Variants in TG observed in about 807,000 individuals in gnomAD.
The protein encoded by TG is thyroid hormones.
A neutral mutation model predicts 324.7 loss-of-function variants in TG; 270 were observed. The observed-to-expected ratio is 0.83, with a 90% CI of 0.75 to 0.92. The LOEUF is 0.92. TG is among the 40% of genes least tolerant of loss of function. The probability of loss-of-function intolerance (pLI) is 0.00; values close to 1 mark genes in which losing one functional copy is unlikely to be tolerated. For missense variants in TG, 3,591 were observed against 3,456.4 expected, an observed-to-expected ratio of 1.04 and a Z score of -0.98; for synonymous variants, 1,401 against 1,327.0, an observed-to-expected ratio of 1.06 and a Z score of -1.21.
chr8:132,869,989 A>G (rs1020049375), intron 3 of TG, among the ~76,000 whole-genome samples, 163 bp downstream of exon 3: 8 of 152,230 alleles, frequency 5.3e-5, no homozygotes, highest in Middle Eastern at 6.8e-3. Flanking sequence ...GGAAGGCCCT[A>G]TTTCCTGCAG....
chr8:133,024,326 CT>C (rs1835835517), intron 40 of TG, among the ~76,000 whole-genome samples: 3 of 84,102 alleles, frequency 3.6e-5, no homozygotes, highest in African/African-American at 1.5e-4. Context: ...TTCTTTCTTT[CT>C]TTCTTTCTTT....
chr8:133,112,192 T>TCATTGATGGAATTCTAATCA (rs966295643), intron 43 of TG, among the ~76,000 whole-genome samples: 1 of 152,260 alleles, frequency 6.6e-6, no homozygotes, highest in Non-Finnish European at 1.5e-5. Flanking sequence ...GAGGGATTGC[T>TCATTGATGGAATTCTAATCA]CATTGATGGA....
intron 23 of TG, among the ~76,000 whole-genome samples, chr8:132,933,274 T>G: frequency 5.5e-4 from 2 of 3,638 alleles, no homozygotes; most frequent in South Asian, 0.01. Flanking sequence ...GTTTGGGTGT[T>G]TATTTGGAGG....
At chr8:133,058,333 G>A (rs762790358) in intron 41 of TG, among the ~76,000 whole-genome samples, 1 of 152,210 alleles carries the variant, frequency 6.6e-6, no homozygotes, top group Admixed American at 6.5e-5. Context: ...TCTTCACCAG[G>A]GGGTGGAGGG....
rs749756738 is a variant in TG at position 132,966,690 on chromosome 8, C to T, written c.5679C>T (p.Cys1893=). The T allele has an allele frequency of 2.0e-5, 32 of 1,613,920 alleles. No individual in the cohort carries two copies. The highest frequency in any genetic ancestry group is 2.7e-5 in the Non-Finnish European group (32 of 1,179,974). The change falls in exon 30 of 48, where the codon TGC becomes TGT. Residue 1893 remains cysteine, a synonymous_variant. Transcript: ENST00000220616. ...LFSAQQANLW[C]LSRCVQEHSF... ...CAGCCCAGCAGGCAAACCTATGGTGCCTTTCTCGTAAGTATCCTTAGAACT... is the reference window on the plus strand; with the variant it reads ...CAGCCCAGCAGGCAAACCTATGGTGTCTTTCTCGTAAGTATCCTTAGAACT...
In TG at chr8:132,872,936, A is replaced by G. The variant is rs556139113; in HGVS notation, c.479-126A>G. 2.8e-4 allele frequency: 295 copies of G among 1,060,494 alleles called. 1 individual carries two copies. The highest frequency in any genetic ancestry group is 3.5e-5 in the Non-Finnish European group (25 of 709,704). 65.7% of individuals were successfully genotyped at this position (1,060,494 alleles called of 1,614,324 possible). On this transcript the variant is annotated intron_variant, in intron 4 of 47. Transcript: ENST00000220616. ...TCTATGATGTTCACACGACAATGAA[A>G]CCGCCGAACGATGCATTTCTCAGAG...
chr8:132,887,463 G>A lies in TG; in HGVS notation c.2091G>A (p.Gln697=), dbSNP rs972518415. ...CTSEGHFLPV[Q]CFNSECYCVD... is the part of the protein sequence containing the mutation. The stretch of plus-strand genomic sequence containing the variant: ...GTGAGGGACATTTCCTGCCTGTCCA[G>A]TGCTTCAACTCAGAGTGCTACTGTG... The change falls in exon 9 of 48, where the codon CAG becomes CAA. Residue 697 remains glutamine, a synonymous_variant. Coordinates refer to ENST00000220616, the MANE Select transcript of TG (RefSeq NM_003235.5). 3 of 1,614,194 alleles carry A rather than the reference G, an allele frequency of 1.9e-6. No homozygotes were observed. The highest frequency in any genetic ancestry group is 1.7e-6 in the Non-Finnish European group (2 of 1,180,044).
Position 132,941,509 on chromosome 8 carries a change from T to G in TG, c.5200T>G (p.Cys1734Gly). Reference protein sequence around the residue: ...CLLACDRDLCCDGFVLTQVQG... With the variant: ...CLLACDRDLCGDGFVLTQVQG... ...TCTTGCATGCGACCGTGATCTGTGT[T>G]GCGATGGCTTCGTCCTCACACAGGT... The change falls in exon 26 of 48, where the codon TGC becomes GGC. Residue 1734 changes from cysteine (C) to glycine (G), a missense_variant. Transcript: ENST00000220616. 1 of 1,614,188 alleles carries G rather than the reference T, an allele frequency of 6.2e-7. No homozygotes were observed. Among genetic ancestry groups the G allele is most frequent in the South Asian group, 1.1e-5 (1 of 91,090 alleles).
Position 132,966,596 on chromosome 8 carries a change from A to G in TG, c.5585A>G (p.Asn1862Ser). The G allele has an allele frequency of 1.2e-6, 2 of 1,614,064 alleles. No individual in the cohort carries two copies. The highest frequency in any genetic ancestry group is 2.2e-5 in the South Asian group (2 of 91,074). The change falls in exon 30 of 48, where the codon AAC (asparagine) becomes AGC (serine). Residue 1862 changes from asparagine to serine, a missense_variant. Coordinates refer to ENST00000220616, the MANE Select transcript of TG (RefSeq NM_003235.5). Reference sequence around the variant, plus strand: ...GAACTTTTCTCCCCTGTGGACCTCAACCAGGTCATTGTCAATGGAAATCAA... The same window carrying G: ...GAACTTTTCTCCCCTGTGGACCTCAGCCAGGTCATTGTCAATGGAAATCAA... ...TTELFSPVDL[N>S]QVIVNGNQSL...
At chr8:133,100,609 A>G (rs1405856277) in intron 43 of TG, among the ~76,000 whole-genome samples, 1 of 152,200 alleles carries the variant, frequency 6.6e-6, no homozygotes, top group East Asian at 1.9e-4. Context: ...ACTATTTTTC[A>G]GAGAGAAACC....
At chr8:132,896,074 C>A (rs1006726996) in intron 11 of TG, among the ~76,000 whole-genome samples, 1 of 152,226 alleles carries the variant, frequency 6.6e-6, no homozygotes, top group South Asian at 2.1e-4. Flanking sequence ...ATGAGCGTGG[C>A]GAAGGCCATG....
chr8:132,997,857 T>C (rs73359307), intron 35 of TG, among the ~76,000 whole-genome samples: 3,250 of 152,298 alleles, frequency 0.021, 119 homozygotes, highest in African/African-American at 0.074. Flanking sequence ...AAACAGTATG[T>C]TCCACCATAT....
At chr8:132,996,395 A>G (rs909480405) in intron 35 of TG, among the ~76,000 whole-genome samples, 2 of 152,180 alleles carry the variant, frequency 1.3e-5, no homozygotes, top group African/African-American at 4.8e-5. Flanking sequence ...TTAGCATTCT[A>G]TTGCTCCTTT....
In TG at chr8:132,887,109, C is replaced by T. The variant is rs1288581992; in HGVS notation, c.1737C>T (p.Leu579=). 1.9e-6 allele frequency: 3 copies of T among 1,614,214 alleles called. No individual in the cohort carries two copies. In the Admixed American group the frequency reaches 5.0e-5, roughly 27 times the overall value. The change falls in exon 9 of 48, where the codon CTC becomes CTT. Residue 579 remains leucine (L), a synonymous_variant. Coordinates refer to ENST00000220616, the MANE Select transcript of TG (RefSeq NM_003235.5). ...ASLLELPEFL[L]FLQHAISVPE... Reference sequence around the variant, plus strand: ...TCCTGGAGCTTCCAGAATTCCTTCTCTTCTTGCAACATGCTATCTCTGTGC... The same window carrying T: ...TCCTGGAGCTTCCAGAATTCCTTCTTTTCTTGCAACATGCTATCTCTGTGC...
chr8:133,022,031 T>C lies in TG; in HGVS notation c.6917T>C (p.Met2306Thr), dbSNP rs963057622. The C allele has an allele frequency of 6.2e-7, 1 of 1,614,146 alleles. No individual in the cohort carries two copies. The highest frequency in any genetic ancestry group is 8.5e-7 in the Non-Finnish European group (1 of 1,180,016). ...GTGCTGGTGTTCTTCCACAACACCA[T>C]GGACAGGGAGGAGAGTGAAGGATGG... ...ASVLVFFHNT[M>T]DREESEGWPA... Residue 2306 changes from methionine (M) to threonine (T), a missense_variant, in exon 40 of 48, where the codon ATG becomes ACG. Physicochemically the swap from Met to Thr is moderately conservative, Grantham distance 81. Transcript: ENST00000220616.
At position 133,029,953 on chromosome 8, in the gene TG, A is replaced by G. The variant is rs1476396356; in HGVS notation, c.7169A>G (p.Asp2390Gly). 3.1e-6 allele frequency: 5 copies of G among 1,613,774 alleles called. No individual in the cohort carries two copies. Among genetic ancestry groups the G allele is most frequent in the Non-Finnish European group, 4.2e-6 (5 of 1,180,034 alleles). Residue 2390 changes from aspartate (D) to glycine (G), a missense_variant, in exon 41 of 48, where the codon GAT becomes GGT. Asp to Gly is a moderately conservative substitution (Grantham distance 94, BLOSUM62 -1). Transcript: ENST00000220616. ...VSLAADRGGA[D>G]VASIHLLTAR... Reference sequence around the variant, plus strand: ...CTGGCAGCAGACCGTGGCGGGGCTGATGTGGCCAGCATCCACCTTCTCACG... The same window carrying G: ...CTGGCAGCAGACCGTGGCGGGGCTGGTGTGGCCAGCATCCACCTTCTCACG...
At chr8:133,022,726 G>A (rs1190290892) in intron 40 of TG, among the ~76,000 whole-genome samples, 7 of 152,150 alleles carry the variant, frequency 4.6e-5, no homozygotes, top group Non-Finnish European at 7.3e-5. Context: ...GCTGAAGTGA[G>A]CCCTGGACCA....
intron 21 of TG, among the ~76,000 whole-genome samples, chr8:132,922,858 C>T (rs1453055355): frequency 1.3e-5 from 2 of 152,198 alleles, no homozygotes; most frequent in African/African-American, 4.8e-5. Context: ...AAAGGCACCA[C>T]CTGCTAATAC....
At chr8:132,903,314 C>T (rs1011456458) in intron 16 of TG, among the ~76,000 whole-genome samples, 1 of 152,172 alleles carries the variant, frequency 6.6e-6, no homozygotes, top group African/African-American at 2.4e-5. Flanking sequence ...CTCACTTGCT[C>T]TTCTGACGCC....
Sources: gnomAD v4.1 joint callset for allele counts (sites outside exome capture counted in the v4.1 genomes callset) on GRCh38, gnomAD v4.1.1 for gene constraint, MANE v1.5 for transcripts, NCBI Gene and HGNC (gene_info 2026-07-23, HGNC 2026-07-21) for gene names.